The following SH3RF3 variants were observed in gnomAD, a reference collection of about 807,000 sequenced individuals.
SH3RF3 encodes the protein SH3 domain containing ring finger 3, also known as E3 ubiquitin-protein ligase SH3RF3.
SH3RF3 carries 29 observed loss-of-function variants against 66.3 expected under a neutral mutation model. That is an observed-to-expected ratio of 0.44 (90% confidence interval 0.33 to 0.60). The LOEUF is 0.60. Among genes scored for constraint, SH3RF3 ranks in the 20% least tolerant of loss-of-function variants. The pLI, the probability that SH3RF3 is intolerant of heterozygous loss-of-function variation, is 0.04. For missense variants in SH3RF3, 1,194 were observed against 1,190.9 expected (o/e 1.00, Z -0.04); for synonymous variants, 583 against 532.0 (o/e 1.10, Z -1.32).
At chr2:109,315,025 ACT>A (rs1681839878) in intron 1 of SH3RF3, among the ~76,000 whole-genome samples, 1 of 152,082 alleles carries the variant, frequency 6.6e-6, no homozygotes, top group African/African-American at 2.4e-5. Flanking sequence ...CACCGACCAC[ACT>A]CAGTGAACAG....
intron 9 of SH3RF3, among the ~76,000 whole-genome samples, chr2:109,498,138 T>TCCGCCTGCCCTCCTTCCTTC (rs1679298827): frequency 6.6e-6 from 1 of 152,156 alleles, no homozygotes; most frequent in Admixed American, 6.5e-5. Context: ...AGGAGGTGCC[T>TCCGCCTGCCCTCCTTCCTTC]CCGCCTGCCC....
At chr2:109,205,131 C>G (rs1285190880) in intron 1 of SH3RF3, among the ~76,000 whole-genome samples, 1 of 152,076 alleles carries the variant, frequency 6.6e-6, no homozygotes, top group Non-Finnish European at 1.5e-5. Context: ...GCCTTGAATA[C>G]AAGAGATTGA....
At chr2:109,142,334 A>G (rs1558922800) in intron 1 of SH3RF3, among the ~76,000 whole-genome samples, 1 of 152,112 alleles carries the variant, frequency 6.6e-6, no homozygotes, top group East Asian at 1.9e-4. Context: ...ATTCCCATGC[A>G]TGTTATATTC....
At chr2:109,335,012 C>T (rs999156811) in intron 1 of SH3RF3, among the ~76,000 whole-genome samples, 8 of 152,214 alleles carry the variant, frequency 5.3e-5, no homozygotes, top group South Asian at 2.1e-4. Flanking sequence ...TTTATGTCAC[C>T]GCGTTGGCGA....
At chr2:109,223,398 G>C (rs570501651) in intron 1 of SH3RF3, among the ~76,000 whole-genome samples, 2 of 152,340 alleles carry the variant, frequency 1.3e-5, no homozygotes, top group Admixed American at 1.3e-4. Flanking sequence ...GCTGCCGTGT[G>C]CTCGCTGTGA....
At chr2:109,156,512 C>G (rs1017008361) in intron 1 of SH3RF3, among the ~76,000 whole-genome samples, 1 of 151,568 alleles carries the variant, frequency 6.6e-6, no homozygotes, top group African/African-American at 2.4e-5. Context: ...GTGGTGCAAT[C>G]TTGGCTCACT....
chr2:109,321,866 TCCC>T (rs1682035347), intron 1 of SH3RF3, among the ~76,000 whole-genome samples: 1 of 152,182 alleles, frequency 6.6e-6, no homozygotes, highest in South Asian at 2.1e-4. Flanking sequence ...TCCAGTGGAT[TCCC>T]ACTGCTTACT....
At chr2:109,437,529 C>G (rs1243659552) in intron 7 of SH3RF3, among the ~76,000 whole-genome samples, 1 of 152,208 alleles carries the variant, frequency 6.6e-6, no homozygotes, top group Admixed American at 6.5e-5. Context: ...TCAAATGCCT[C>G]CCCCATGAAT....
chr2:109,244,697 G>T (rs1262041148), intron 1 of SH3RF3, among the ~76,000 whole-genome samples: 1 of 152,214 alleles, frequency 6.6e-6, no homozygotes, highest in African/African-American at 2.4e-5. Flanking sequence ...ATTATCTGCA[G>T]CACTGAGAAT....
chr2:109,445,636 G>A (rs1364583457), intron 7 of SH3RF3, among the ~76,000 whole-genome samples: 1 of 152,072 alleles, frequency 6.6e-6, no homozygotes, highest in East Asian at 1.9e-4. Flanking sequence ...CTAATAAAGA[G>A]GCTAAATATA....
intron 8 of SH3RF3, among the ~76,000 whole-genome samples, chr2:109,473,118 C>T (rs1037807043): frequency 4.6e-5 from 7 of 152,226 alleles, no homozygotes; most frequent in East Asian, 1.9e-4. Context: ...GGCATTTAAT[C>T]GCCCCTCATT....
chr2:109,277,394 G>A (rs1680781148), intron 1 of SH3RF3, among the ~76,000 whole-genome samples: 1 of 152,146 alleles, frequency 6.6e-6, no homozygotes, highest in South Asian at 2.1e-4. Flanking sequence ...CCTCGGTGAT[G>A]GAAATCAACT....
rs556162672 is a variant in SH3RF3, at chr2:109,376,077, G to A, written c.945+4396G>A. ...ACACAGGCTGGGCTGGCTGGGGTAGGCAGAGAGCACTGTCCTGTGCTGGTG... is the reference window on the plus strand; with the variant it reads ...ACACAGGCTGGGCTGGCTGGGGTAGACAGAGAGCACTGTCCTGTGCTGGTG... On this transcript the variant is annotated intron_variant, in intron 3 of 9. Coordinates refer to ENST00000309415, the MANE Select transcript of SH3RF3 (RefSeq NM_001099289.3). Among the ~76,000 whole-genome samples the A allele has an allele frequency of 4.6e-5, 7 of 152,372 alleles. No individual in the cohort carries two copies. In the South Asian group the frequency reaches 1.4e-3, roughly 32 times the overall value.
chr2:109,312,229 G>T (rs1172939245), intron 1 of SH3RF3, among the ~76,000 whole-genome samples: 1 of 152,090 alleles, frequency 6.6e-6, no homozygotes, highest in African/African-American at 2.4e-5. Flanking sequence ...AACACACAAG[G>T]CCAGAGGGAC....
chr2:109,340,605 C>T (rs552963531), intron 1 of SH3RF3, among the ~76,000 whole-genome samples: 4 of 152,212 alleles, frequency 2.6e-5, no homozygotes, highest in Non-Finnish European at 5.9e-5. Context: ...ATCTGCCTTT[C>T]CTGGCCCCGG....
At chr2:109,153,946 G>T (rs1677280282) in intron 1 of SH3RF3, among the ~76,000 whole-genome samples, 1 of 152,182 alleles carries the variant, frequency 6.6e-6, no homozygotes, top group South Asian at 2.1e-4. Context: ...AAATTATTAA[G>T]AATTTCATTA....
rs965600931 is a variant in SH3RF3 at position 109,129,241 on chromosome 2, C to T, written c.-300C>T. 4 of 568,944 alleles carry T rather than the reference C, an allele frequency of 7.0e-6. No individual in the cohort carries two copies. The highest frequency in any genetic ancestry group is 6.0e-5 in the African/African-American group (3 of 50,204). The allele number at this position is 568,944 out of a possible 1,614,324, so 35.2% of individuals were successfully genotyped here. On this transcript the variant is annotated 5_prime_UTR_variant, in exon 1 of 10. Coordinates refer to ENST00000309415, the MANE Select transcript of SH3RF3 (RefSeq NM_001099289.3). ...TGAGCTTCGTGCCCGGCAGCACCCC[C>T]GGTCCCCCGCGCGGGGCGGACTTGC...
At chr2:109,466,182 A>T (rs371610815) in intron 8 of SH3RF3, among the ~76,000 whole-genome samples, 2 of 143,556 alleles carry the variant, frequency 1.4e-5, no homozygotes, top group East Asian at 2.1e-4. Context: ...TCCCAGGTTC[A>T]AGCGATTCTC....
At chr2:109,326,452 G>C (rs1466524313) in intron 1 of SH3RF3, among the ~76,000 whole-genome samples, 1 of 152,140 alleles carries the variant, frequency 6.6e-6, no homozygotes, top group African/African-American at 2.4e-5. Flanking sequence ...GCAGCACTTT[G>C]CACTCCTACC....
Sources: gnomAD v4.1 joint callset for allele counts (sites outside exome capture counted in the v4.1 genomes callset) on GRCh38, gnomAD v4.1.1 for gene constraint, MANE v1.5 for transcripts, NCBI Gene and HGNC (gene_info 2026-07-23, HGNC 2026-07-21) for gene names.